Variants in TTN observed in about 807,000 individuals in gnomAD.
The protein encoded by TTN is connectin.
A neutral mutation model predicts 3,223.0 loss-of-function variants in TTN; 1,525 were observed. That is an observed-to-expected ratio of 0.47 (90% CI 0.45 to 0.49). TTN has a LOEUF of 0.49. Among genes scored for constraint, TTN ranks in the 20% least tolerant of loss-of-function variants. The pLI, the probability that TTN is intolerant of heterozygous loss-of-function variation, is 0.00. For missense variants in TTN, 40,786 were observed against 43,424.0 expected, an observed-to-expected ratio of 0.94 and a Z score of 5.40; for synonymous variants, 14,094 against 15,161.0, an observed-to-expected ratio of 0.93 and a Z score of 5.17.
In TTN at chr2:178,571,465, A is replaced by G. The variant is rs1016074566; in HGVS notation, c.74667T>C (p.Tyr24889=). 6.2e-7 allele frequency: 1 copy of G among 1,613,384 alleles called. No individual in the cohort carries two copies. The highest frequency in any genetic ancestry group is 1.7e-5 in the Admixed American group (1 of 59,968). ...YQFRIAAENR[Y]GKSTYLNSEP... ...CTGAATTGAGGTAGGTACTCTTCCC[A>G]TATCTGTTTTCAGCTGCAATTCTAA... The change falls in exon 326 of 363, where the codon TAT becomes TAC. Residue 24889 remains tyrosine, a synonymous_variant. Transcript: ENST00000589042.
At position 178,650,813 on chromosome 2, in the gene TTN, G is replaced by A; in HGVS notation, c.39647C>T (p.Pro13216Leu). Residue 13216 changes from proline to leucine, a missense_variant, in exon 209 of 363, where the codon CCT (proline) becomes CTT (leucine). Pro to Leu is a moderately conservative substitution (Grantham distance 98). Transcript: ENST00000589042. ...PAKVPEVPKKPVLEEKPAVPV... is the reference protein window; with the variant it reads ...PAKVPEVPKKLVLEEKPAVPV... ...AACAGCTGGTTTCTCTTCCAAGACAGGTTTCTTTGGCACTTCTGGCACTTT... is the reference window on the plus strand; with the variant it reads ...AACAGCTGGTTTCTCTTCCAAGACAAGTTTCTTTGGCACTTCTGGCACTTT... The A allele has an allele frequency of 1.2e-6, 2 of 1,606,750 alleles. No homozygotes were observed. The highest frequency in any genetic ancestry group is 1.7e-6 in the Non-Finnish European group (2 of 1,176,392).
Position 178,551,976 on chromosome 2 carries a change from G to A in TTN, c.90924C>T (p.Ser30308=), listed in dbSNP as rs1699620854. The A allele has an allele frequency of 6.2e-7, 1 of 1,611,516 alleles. No homozygotes were observed. Among genetic ancestry groups the A allele is most frequent in the Admixed American group, 1.7e-5 (1 of 59,942 alleles). ...CAATAATGCTTGAGACAAGTGGTTG[G>A]CTGACTCCGTATCTGTTTTCTGCTC... ...RVRAENRYGV[S]QPLVSSIIVA... is the part of the protein sequence containing the mutation. The change falls in exon 335 of 363, where the codon AGC becomes AGT. Residue 30308 remains serine (S), a synonymous_variant. Transcript: ENST00000589042.
Position 178,568,140 on chromosome 2 carries a change from A to G in TTN, c.77992T>C (p.Phe25998Leu). ...YKEPGPPGTP[F>L]ATAISKDSMV... ...GAGTCTTTGGAAATGGCTGTGGCAA[A>G]TGGTGTACCTGGAGGGCCTGGTTCT... Residue 25998 changes from phenylalanine to leucine, a missense_variant, in exon 326 of 363, where the codon TTT (phenylalanine) becomes CTT (leucine). Physicochemically the swap from Phe to Leu is conservative, Grantham distance 22. Coordinates refer to ENST00000589042, the MANE Select transcript of TTN (RefSeq NM_001267550.2). The G allele has an allele frequency of 6.2e-7, 1 of 1,613,480 alleles. No homozygotes were observed. Among genetic ancestry groups the G allele is most frequent in the South Asian group, 1.1e-5 (1 of 91,074 alleles).
chr2:178,579,587 A>G lies in TTN; in HGVS notation c.67610T>C (p.Ile22537Thr). The G allele has an allele frequency of 6.2e-7, 1 of 1,613,290 alleles. No homozygotes were observed. The highest frequency in any genetic ancestry group is 8.5e-7 in the Non-Finnish European group (1 of 1,179,498). Residue 22537 changes from isoleucine to threonine, a missense_variant, in exon 319 of 363, where the codon ATC becomes ACC. Physicochemically the swap from Ile to Thr is moderately conservative, Grantham distance 89. Transcript: ENST00000589042. ...NENGEGTPSE[I>T]TVVARDDVVA... is the part of the protein sequence containing the mutation. ...AACATCATCCCTTGCCACAACAGTG[A>G]TTTCGCTTGGGGTTCCTTCTCCATT... is the stretch of plus-strand genomic sequence containing the variant.
At chr2:178,582,827 A>G (rs2048090530) in intron 313 of TTN, 113 bp downstream of exon 313, 2 of 1,044,608 alleles carry the variant, frequency 1.9e-6, no homozygotes, top group South Asian at 2.6e-5. Flanking sequence ...AATTCTGTGC[A>G]TAGGAAATAC....
Position 178,729,186 on chromosome 2 carries a change from G to A in TTN, c.18869-17C>T, listed in dbSNP as rs778901700. 3 of 1,556,516 alleles carry A rather than the reference G, an allele frequency of 1.9e-6. No homozygotes were observed. Among genetic ancestry groups the A allele is most frequent in the East Asian group, 4.5e-5 (2 of 44,334 alleles). ...ATGGTGGTTCTGTGATTAAATAAGAGAGTGTGAAAAGAAGAAACATATTGT... is the reference window on the plus strand; with the variant it reads ...ATGGTGGTTCTGTGATTAAATAAGAAAGTGTGAAAAGAAGAAACATATTGT... On this transcript the variant is annotated splice_polypyrimidine_tract_variant and intron_variant, in intron 64 of 362. Transcript: ENST00000589042.
chr2:178,635,773 C>T, intron 226 of TTN, 58 bp from the exon 227 acceptor site: 10 of 1,535,390 alleles, frequency 6.5e-6, no homozygotes, highest in African/African-American at 1.4e-5. Flanking sequence ...ATATACATAG[C>T]TTCCTTAGTA....
intron 10 of TTN, among the ~76,000 whole-genome samples, chr2:178,791,566 T>C (rs746484605): frequency 2.0e-5 from 3 of 152,274 alleles, no homozygotes; most frequent in East Asian, 1.9e-4. Flanking sequence ...TGAAGGAATT[T>C]TTTTTTTTGA....
At chr2:178,685,714 A>G in intron 127 of TTN, 116 bp from the exon 128 acceptor site, 3 of 926,198 alleles carry the variant, frequency 3.2e-6, no homozygotes, top group Non-Finnish European at 4.9e-6. Flanking sequence ...CCCTTGCCAA[A>G]CCCCTGCTTG....
chr2:178,729,559 G>C lies in TTN; in HGVS notation c.18597C>G (p.Pro6199=), dbSNP rs753370006. The change falls in exon 64 of 363, where the codon CCC becomes CCG. Residue 6199 remains proline (P), a synonymous_variant. Coordinates refer to ENST00000589042, the MANE Select transcript of TTN (RefSeq NM_001267550.2). ...CAGGCTTCAGCTCTCTGATAAAGGT[G>C]GGGGGTTCTAAAGATTCAAAAGGAA... ...CSIELKVKEP[P]TFIRELKPVE... The C allele has an allele frequency of 1.4e-5, 22 of 1,612,300 alleles. No homozygotes were observed. Among genetic ancestry groups the C allele is most frequent in the Non-Finnish European group, 1.9e-5 (22 of 1,178,972 alleles).
In TTN at chr2:178,789,504, A is replaced by G. The variant is rs757828396; in HGVS notation, c.1939-7T>C. 3.7e-6 allele frequency: 6 copies of G among 1,613,036 alleles called. No homozygotes were observed. The highest frequency in any genetic ancestry group is 1.7e-5 in the Admixed American group (1 of 59,988). ...TCTCGGCTTCCTTTCTCATCTGATT[A>G]TTACAGTAAAATCAAGATTTAAGTT... On this transcript the variant is annotated splice_region_variant and splice_polypyrimidine_tract_variant and intron_variant, in intron 12 of 362. Coordinates refer to ENST00000589042, the MANE Select transcript of TTN (RefSeq NM_001267550.2).
At chr2:178,751,926 T>G (rs2085646742) in intron 47 of TTN, 1 of 1,588,236 alleles carries the variant, frequency 6.3e-7, no homozygotes, top group Non-Finnish European at 8.5e-7. Context: ...GTAGATGATA[T>G]TCTACTTGCA....
chr2:178,604,912 A>G lies in TTN; in HGVS notation c.54191-14T>C, dbSNP rs2054417830. 6.2e-7 allele frequency: 1 copy of G among 1,607,658 alleles called. No individual in the cohort carries two copies. The highest frequency in any genetic ancestry group is 8.5e-7 in the Non-Finnish European group (1 of 1,176,450). On this transcript the variant is annotated splice_polypyrimidine_tract_variant and intron_variant, in intron 280 of 362. Transcript: ENST00000589042. ...GGGATGGGCGGTCTGGAAAGGAATC[A>G]ACAGAGAATATTGAGAAGGCAATTC...
At chr2:178,784,742 C>A (rs948732566) in intron 15 of TTN, among the ~76,000 whole-genome samples, 1 of 152,056 alleles carries the variant, frequency 6.6e-6, no homozygotes, top group Admixed American at 6.6e-5. Context: ...TTGGTAAATG[C>A]CTAAGAACTA....
In TTN at chr2:178,652,192, T is replaced by C. The variant is rs1331101929; in HGVS notation, c.39212-13A>G. On this transcript the variant is annotated splice_polypyrimidine_tract_variant and intron_variant, in intron 203 of 362. Transcript: ENST00000589042. ...GGCACCTCTGGGACTTTAAAAGATA[T>C]TATTATTTTCATTGTTAGACAAAGT... 6.2e-7 allele frequency: 1 copy of C among 1,612,016 alleles called. No homozygotes were observed. The highest frequency in any genetic ancestry group is 8.5e-7 in the Non-Finnish European group (1 of 1,179,612).
At chr2:178,705,535 C>T (rs962344926) in intron 102 of TTN, among the ~76,000 whole-genome samples, 178 bp from the exon 103 acceptor site, 5 of 151,572 alleles carry the variant, frequency 3.3e-5, no homozygotes, top group African/African-American at 9.7e-5. Flanking sequence ...GAGATGGAGT[C>T]GATTAAGATC....
At position 178,799,840 on chromosome 2, in the gene TTN, T is replaced by C. The variant is rs1158294800; in HGVS notation, c.654A>G (p.Gln218=). 6.2e-7 allele frequency: 1 copy of C among 1,614,170 alleles called. No individual in the cohort carries two copies. The highest frequency in any genetic ancestry group is 1.3e-5 in the African/African-American group (1 of 75,068). The stretch of plus-strand genomic sequence containing the variant: ...AGAAAAATACCTTTTCAATTCGGGT[T>C]TGTCTTGATTCTGAGATCTGAGCAG... ...VSTAQISESR[Q]TRIEKKIEAH... is the part of the protein sequence containing the mutation. The change falls in exon 5 of 363, where the codon CAA becomes CAG. Residue 218 remains glutamine (Q), a synonymous_variant. Coordinates refer to ENST00000589042, the MANE Select transcript of TTN (RefSeq NM_001267550.2).
chr2:178,569,687 C>T lies in TTN; in HGVS notation c.76445G>A (p.Cys25482Tyr). The part of the protein sequence containing the change: ...LEKHEYNFRI[C>Y]AINKAGVGEH... ...TCCAACTCCAGCTTTATTAATAGCA[C>T]AGATACGGAAGTTGTATTCATGCTT... is the stretch of plus-strand genomic sequence containing the variant. Residue 25482 changes from cysteine (C) to tyrosine (Y), a missense_variant, in exon 326 of 363, where the codon TGT becomes TAT. Cys to Tyr is a radical substitution (Grantham distance 194). Transcript: ENST00000589042. The T allele has an allele frequency of 1.9e-6, 3 of 1,612,924 alleles. No homozygotes were observed. The highest frequency in any genetic ancestry group is 2.2e-5 in the East Asian group (1 of 44,672).
Position 178,769,749 on chromosome 2 carries a change from G to C in TTN, c.8832C>G (p.Ser2944Arg), listed in dbSNP as rs773424866. Residue 2944 changes from serine to arginine, a missense_variant, in exon 37 of 363, where the codon AGC becomes AGG. Transcript: ENST00000589042. The part of the protein sequence containing the change: ...KLHQLIIMNT[S>R]TEDSAEYTFV... ...ATGTGTATTCTGCCGAGTCCTCTGT[G>C]CTGGTGTTCATGATGATCAGCTGAT... The C allele has an allele frequency of 6.2e-7, 1 of 1,613,986 alleles. No homozygotes were observed. The highest frequency in any genetic ancestry group is 1.1e-5 in the South Asian group (1 of 91,080).
Sources: allele counts gnomAD v4.1 joint callset (sites outside exome capture counted in the v4.1 genomes callset), GRCh38; gene constraint gnomAD v4.1.1; transcripts MANE v1.5; gene names NCBI Gene and HGNC (gene_info 2026-07-23, HGNC 2026-07-21).